The following GREB1L variants were observed in gnomAD, a reference collection of about 807,000 sequenced individuals.
The protein encoded by GREB1L is GREB1-like protein.
GREB1L carries 17 observed loss-of-function variants against 200.8 expected under a neutral mutation model. The ratio of observed to expected loss-of-function variants is 0.08; its 90% CI spans 0.06 to 0.13. The LOEUF is 0.13. Among genes scored for constraint, GREB1L ranks in the 10% least tolerant of loss-of-function variants. The pLI is 1.00. For missense variants in GREB1L, 1,657 were observed against 2,367.7 expected, an observed-to-expected ratio of 0.70 and a Z score of 6.23; for synonymous variants, 789 against 893.0, an observed-to-expected ratio of 0.88 and a Z score of 2.08.
chr18:21,412,174 G>A (rs1327703382), intron 7 of GREB1L, among the ~76,000 whole-genome samples: 2 of 152,006 alleles, frequency 1.3e-5, no homozygotes, highest in Admixed American at 1.3e-4. Context: ...GAGGCTGGTG[G>A]ATTGCTTGAG....
intron 15 of GREB1L, among the ~76,000 whole-genome samples, chr18:21,456,896 T>A (rs2034790120): frequency 6.6e-6 from 1 of 152,150 alleles, no homozygotes; most frequent in Non-Finnish European, 1.5e-5. Flanking sequence ...TTCATATGGA[T>A]TTTTTTCCTT....
intron 1 of GREB1L, among the ~76,000 whole-genome samples, chr18:21,254,487 G>A (rs1278558359): frequency 5.9e-5 from 9 of 151,866 alleles, no homozygotes; most frequent in Non-Finnish European, 1.3e-4. Context: ...TCTTTTATAG[G>A]TACCAGTTGC....
intron 1 of GREB1L, among the ~76,000 whole-genome samples, chr18:21,357,604 T>C (rs1406727480): frequency 1.3e-5 from 2 of 152,242 alleles, no homozygotes; most frequent in Non-Finnish European, 2.9e-5. Flanking sequence ...AGTAGTTTTA[T>C]AGCTTCAGGT....
At chr18:21,285,403 C>T (rs1312059765) in intron 1 of GREB1L, among the ~76,000 whole-genome samples, 1 of 152,074 alleles carries the variant, frequency 6.6e-6, no homozygotes, top group African/African-American at 2.4e-5. Context: ...TTCTTATTTT[C>T]CTAAGTTTTA....
chr18:21,516,337 G>A (rs1004198635), intron 29 of GREB1L, among the ~76,000 whole-genome samples: 2 of 152,222 alleles, frequency 1.3e-5, no homozygotes, highest in Non-Finnish European at 2.9e-5. Flanking sequence ...TTTTGCCGGA[G>A]TGTATCAAAT....
At chr18:21,416,333 C>T (rs1369349172) in intron 7 of GREB1L, among the ~76,000 whole-genome samples, 1 of 152,102 alleles carries the variant, frequency 6.6e-6, no homozygotes, top group African/African-American at 2.4e-5. Flanking sequence ...ATTGGAGGGC[C>T]TGAAGGTGTG....
intron 1 of GREB1L, among the ~76,000 whole-genome samples, chr18:21,324,796 C>T (rs1189832154): frequency 1.3e-5 from 2 of 152,098 alleles, no homozygotes; most frequent in Non-Finnish European, 2.9e-5. Flanking sequence ...GGCGACAGAG[C>T]GAGACTCTGT....
chr18:21,310,208 G>A (rs2038769317), intron 1 of GREB1L, among the ~76,000 whole-genome samples: 1 of 152,130 alleles, frequency 6.6e-6, no homozygotes. Context: ...CAAATGTTGG[G>A]CAGAAAAGGT....
intron 15 of GREB1L, among the ~76,000 whole-genome samples, chr18:21,463,134 CTTTTTTTTTTTTTTTT>C (rs11355874): frequency 0.026 from 1,460 of 55,928 alleles, 37 homozygotes; most frequent in Admixed American, 0.034. Flanking sequence ...CTTAATGGTT[CTTTTTTTTTTTTTTTT>C]TTTTTTTTTT....
chr18:21,288,161 C>CT (rs1235145584), intron 1 of GREB1L, among the ~76,000 whole-genome samples: 1 of 151,698 alleles, frequency 6.6e-6, no homozygotes, highest in Non-Finnish European at 1.5e-5. Context: ...TTCCCCCATT[C>CT]TTTTTTTTAG....
intron 1 of GREB1L, among the ~76,000 whole-genome samples, chr18:21,347,909 A>G (rs879733799): frequency 8.7e-4 from 110 of 127,110 alleles, no homozygotes; most frequent in South Asian, 1.9e-3. Context: ...TGGGACTACA[A>G]GCACGTGCCA....
At chr18:21,508,069 A>G (rs2146022182) in intron 25 of GREB1L, 49 bp from the exon 26 acceptor site, 1 of 1,521,976 alleles carries the variant, frequency 6.6e-7, no homozygotes, top group Non-Finnish European at 8.9e-7. Flanking sequence ...GGAAGTTTGG[A>G]AACTGTGGGC....
rs73425743 is a variant in GREB1L at position 21,446,535 on chromosome 18, C to T, written c.1393+2126C>T. Among the ~76,000 whole-genome samples the T allele has an allele frequency of 7.9e-3, 1,198 of 152,316 alleles. 19 individuals carry two copies. Among genetic ancestry groups the T allele is most frequent in the African/African-American group, 0.028 (1,154 of 41,580 alleles). ...TCAGTTCTTTCCTGAATTTGACTTG[C>T]AGTCAATCAGTTAGGCCTCTCGATA... is the stretch of plus-strand genomic sequence containing the variant. On this transcript the variant is annotated intron_variant, in intron 11 of 32. Coordinates refer to ENST00000424526, the MANE Select transcript of GREB1L (RefSeq NM_001142966.3).
At chr18:21,302,797 C>G (rs1382487393) in intron 1 of GREB1L, among the ~76,000 whole-genome samples, 8 of 152,168 alleles carry the variant, frequency 5.3e-5, no homozygotes, top group Admixed American at 5.2e-4. Flanking sequence ...TCTCGGCTCA[C>G]TGCAACCTCC....
chr18:21,249,260 A>G (rs1163715563), intron 1 of GREB1L, among the ~76,000 whole-genome samples: 2 of 152,044 alleles, frequency 1.3e-5, no homozygotes, highest in Non-Finnish European at 2.9e-5. Context: ...CAGCTCTTAT[A>G]GTAGGATGGG....
At position 21,378,885 on chromosome 18, in the gene GREB1L, G is replaced by C. The variant is rs577955129; in HGVS notation, c.-9-4625G>C. On this transcript the variant is annotated intron_variant, in intron 2 of 32. Transcript: ENST00000424526. ...ATTAATTTAGTGTTTTTTTTTTCGGGGGGGGACAGGATCTTGCTCTGTCAC... is the reference window on the plus strand; with the variant it reads ...ATTAATTTAGTGTTTTTTTTTTCGGCGGGGGACAGGATCTTGCTCTGTCAC... 2.9e-4 allele frequency among the ~76,000 whole-genome samples: 44 copies of C among 150,720 alleles called. No homozygotes were observed. In the East Asian group the frequency reaches 6.9e-3, roughly 24 times the overall value.
rs544893442 is a variant in GREB1L, at chr18:21,521,296, G to T, written c.5608+473G>T. Among the ~76,000 whole-genome samples, 14 of 151,886 alleles carry T rather than the reference G, an allele frequency of 9.2e-5. 1 individual carries two copies. The South Asian group carries it at 2.9e-3, about 32-fold the overall frequency. On this transcript the variant is annotated intron_variant, in intron 32 of 32. Transcript: ENST00000424526. ...TGAGGCGGGAGAATCGCTTAAACCC[G>T]GAAGGCAGAGGTTGCAGTGAGCCAA...
At position 21,493,318 on chromosome 18, in the gene GREB1L, C is replaced by T. The variant is rs115105850; in HGVS notation, c.3031-2352C>T. Among the ~76,000 whole-genome samples the T allele has an allele frequency of 7.6e-3, 1,163 of 152,268 alleles. 15 individuals carry two copies. The highest frequency in any genetic ancestry group is 0.026 in the African/African-American group (1,091 of 41,546). On this transcript the variant is annotated intron_variant, in intron 19 of 32. Transcript: ENST00000424526. ...GGATACAAAGTTTAAGTCAGTTCCT[C>T]CAGAAGGCAGGTGAAGCTTTCATTA...
At chr18:21,248,964 A>T (rs1370224214) in intron 1 of GREB1L, among the ~76,000 whole-genome samples, 2 of 138,614 alleles carry the variant, frequency 1.4e-5, no homozygotes, top group East Asian at 3.9e-4. Context: ...AATTTGTTAG[A>T]AAAAAACAAT....
Sources: gnomAD v4.1 joint callset for allele counts (sites outside exome capture counted in the v4.1 genomes callset) on GRCh38, gnomAD v4.1.1 for gene constraint, MANE v1.5 for transcripts, NCBI Gene and HGNC (gene_info 2026-07-23, HGNC 2026-07-21) for gene names.